Variants in ZPLD1 observed in about 807,000 individuals in gnomAD.
The protein encoded by ZPLD1 is zona pellucida like domain containing 1.
Under a neutral mutation model 47.2 loss-of-function variants are expected in ZPLD1, and 34 were observed. The ratio of observed to expected loss-of-function variants is 0.72; its 90% CI spans 0.55 to 0.96. ZPLD1 has a LOEUF of 0.96. Ranked by LOEUF, ZPLD1 falls within the 40% of genes least tolerant of loss-of-function variation. The pLI is 0.00. For synonymous variants in ZPLD1, 176 were observed against 186.2 expected (o/e 0.95, Z 0.45); for missense variants, 512 against 505.8 (o/e 1.01, Z -0.12).
chr3:102,413,601 G>A (rs1333762779), intron 7 of ZPLD1, among the ~76,000 whole-genome samples: 1 of 151,600 alleles, frequency 6.6e-6, no homozygotes, highest in African/African-American at 2.4e-5. Flanking sequence ...TTGATGCTGG[G>A]CCCAATGGAC....
At chr3:102,403,757 G>C (rs1345007333) in intron 7 of ZPLD1, among the ~76,000 whole-genome samples, 1 of 151,878 alleles carries the variant, frequency 6.6e-6, no homozygotes, top group East Asian at 1.9e-4. Context: ...GGGCCATAAA[G>C]GAATCTCTGG....
intron 7 of ZPLD1, among the ~76,000 whole-genome samples, chr3:102,410,868 G>T (rs1706741239): frequency 6.6e-6 from 1 of 151,780 alleles, no homozygotes; most frequent in Non-Finnish European, 1.5e-5. Context: ...GGGAATGGTG[G>T]TCAGATAAAA....
chr3:102,389,910 A>G (rs1706476118), intron 6 of ZPLD1, among the ~76,000 whole-genome samples: 1 of 152,148 alleles, frequency 6.6e-6, no homozygotes, highest in Admixed American at 6.5e-5. Flanking sequence ...AATTACTAAG[A>G]ATTATTTGCT....
At chr3:102,402,371 C>T (rs1211689691) in intron 7 of ZPLD1, among the ~76,000 whole-genome samples, 1 of 151,996 alleles carries the variant, frequency 6.6e-6, no homozygotes, top group African/African-American at 2.4e-5. Context: ...AGCAGTTTTA[C>T]CTTCACTTTT....
chr3:102,389,502 A>T (rs1706472302), intron 6 of ZPLD1, among the ~76,000 whole-genome samples: 1 of 152,180 alleles, frequency 6.6e-6, no homozygotes, highest in Non-Finnish European at 1.5e-5. Flanking sequence ...ATTTTTTATT[A>T]AAAAAACTTC....
intron 10 of ZPLD1, among the ~76,000 whole-genome samples, chr3:102,475,894 T>TAATCCTA (rs1192456238): frequency 6.6e-6 from 1 of 152,186 alleles, no homozygotes; most frequent in African/African-American, 2.4e-5. Context: ...CTTAAAATAC[T>TAATCCTA]AATCCTAGAG....
At chr3:102,443,785 A>G (rs1707215488) in intron 3 of ZPLD1, among the ~76,000 whole-genome samples, 2 of 152,222 alleles carry the variant, frequency 1.3e-5, no homozygotes, top group Admixed American at 1.3e-4. Flanking sequence ...TCTGTGCCCA[A>G]AGACAAAGTA....
intron 3 of ZPLD1, among the ~76,000 whole-genome samples, chr3:102,445,959 A>C (rs1429613356): frequency 6.6e-6 from 1 of 152,196 alleles, no homozygotes; most frequent in African/African-American, 2.4e-5. Context: ...GTAGACATTA[A>C]GGATTTTGAT....
chr3:102,414,046 A>G (rs1007627543), intron 7 of ZPLD1, among the ~76,000 whole-genome samples: 2 of 151,762 alleles, frequency 1.3e-5, no homozygotes, highest in Non-Finnish European at 2.9e-5. Flanking sequence ...CCAGTTGGAC[A>G]TGATTCCTGT....
chr3:102,435,182 G>A, intron 1 of ZPLD1, 28 bp downstream of exon 1: 1 of 1,613,288 alleles, frequency 6.2e-7, no homozygotes, highest in Non-Finnish European at 8.5e-7. Flanking sequence ...AAATTTGCAA[G>A]ATAATAGTTC....
At chr3:102,442,984 A>G (rs766528841) in intron 3 of ZPLD1, among the ~76,000 whole-genome samples, 6 of 152,206 alleles carry the variant, frequency 3.9e-5, no homozygotes, top group Non-Finnish European at 8.8e-5. Context: ...TAGAGTACCA[A>G]GGAATTATTT....
At chr3:102,416,385 T>G (rs1947968747) in intron 7 of ZPLD1, among the ~76,000 whole-genome samples, 1 of 151,962 alleles carries the variant, frequency 6.6e-6, no homozygotes, top group African/African-American at 2.4e-5. Flanking sequence ...TTTCTATAAA[T>G]GACAGAATTT....
chr3:102,434,849 C>T (rs1301700964), upstream of ZPLD1, among the ~76,000 whole-genome samples: 1 of 152,132 alleles, frequency 6.6e-6, no homozygotes, highest in African/African-American at 2.4e-5. Flanking sequence ...ACAGCAAGCA[C>T]CTTAGATTAT....
intron 6 of ZPLD1, among the ~76,000 whole-genome samples, chr3:102,459,073 G>A (rs1452539918): frequency 1.8e-5 from 2 of 114,128 alleles, no homozygotes; most frequent in African/African-American, 6.8e-5. Flanking sequence ...CTGGGAGACA[G>A]AGCGAGACTC....
At chr3:102,434,104 C>T (rs555674322), upstream of ZPLD1, among the ~76,000 whole-genome samples, 5 of 152,046 alleles carry the variant, frequency 3.3e-5, no homozygotes, top group Admixed American at 6.5e-5. Context: ...TGACCCTGTG[C>T]GAGTCAATTA....
At chr3:102,391,169 A>C (rs1398607433) in intron 6 of ZPLD1, among the ~76,000 whole-genome samples, 1 of 152,172 alleles carries the variant, frequency 6.6e-6, no homozygotes, top group African/African-American at 2.4e-5. Flanking sequence ...TCTAAACTTA[A>C]ATTCTGCAAC....
intron 7 of ZPLD1, among the ~76,000 whole-genome samples, chr3:102,407,211 G>T (rs1398779987): frequency 6.6e-5 from 10 of 150,888 alleles, no homozygotes; most frequent in African/African-American, 1.9e-4. Flanking sequence ...ACCTTGGAAA[G>T]AACTAAAATT....
At chr3:102,476,469 G>A (rs1459071738) in intron 10 of ZPLD1, among the ~76,000 whole-genome samples, 1 of 152,050 alleles carries the variant, frequency 6.6e-6, no homozygotes, top group Non-Finnish European at 1.5e-5. Context: ...AGGCTCAGGA[G>A]TCATGTTTTC....
At chr3:102,426,933 A>G (rs896085769) in intron 8 of ZPLD1, among the ~76,000 whole-genome samples, 1 of 152,198 alleles carries the variant, frequency 6.6e-6, no homozygotes, top group Non-Finnish European at 1.5e-5. Flanking sequence ...TAATGCAACT[A>G]TCTAAGAAAA....
Sources: gnomAD v4.1 joint callset for allele counts (sites outside exome capture counted in the v4.1 genomes callset) on GRCh38, gnomAD v4.1.1 for gene constraint, MANE v1.5 for transcripts, NCBI Gene and HGNC (gene_info 2026-07-23, HGNC 2026-07-21) for gene names.